Variants in GDA observed in about 807,000 individuals in gnomAD.
The protein encoded by GDA is guanine deaminase.
A neutral mutation model predicts 59.6 loss-of-function variants in GDA; 18 were observed. The ratio of observed to expected loss-of-function variants is 0.30; its 90% CI spans 0.21 to 0.45. GDA has a LOEUF of 0.45. GDA is among the 20% of genes least tolerant of loss of function. The pLI, the probability that GDA is intolerant of heterozygous loss-of-function variation, is 1.00. For missense variants in GDA, 427 were observed against 552.3 expected (o/e 0.77, Z 2.27); for synonymous variants, 201 against 201.1 (o/e 1.00, Z 0.00).
At chr9:72,233,425 A>G (rs1388068730) in intron 10 of GDA, among the ~76,000 whole-genome samples, 2 of 152,228 alleles carry the variant, frequency 1.3e-5, no homozygotes. Context: ...TTCTATGAAA[A>G]GATTGTGGTA....
downstream of GDA, among the ~76,000 whole-genome samples, chr9:72,258,243 G>C (rs1182440687): frequency 1.3e-5 from 2 of 151,746 alleles, no homozygotes; most frequent in African/African-American, 4.8e-5. Context: ...GGCCTGAGAG[G>C]TTGTGGCTGC....
rs781610986 is a variant in GDA at position 72,245,225 on chromosome 9, T to G, written c.1213T>G (p.Ser405Ala). The change falls in exon 12 of 14, where the codon TCC (serine) becomes GCC (alanine). Residue 405 changes from serine to alanine, a missense_variant. By Grantham distance (99) the Ser-to-Ala change is moderately conservative. Transcript: ENST00000358399. Reference sequence around the variant, plus strand: ...TGCCATCCTGATCAACCCCAAAGCATCCGACTCTCCCATTGACCTGTTTTA... The same window carrying G: ...TGCCATCCTGATCAACCCCAAAGCAGCCGACTCTCCCATTGACCTGTTTTA... ...FDAILINPKA[S>A]DSPIDLFYGD... 1 of 1,612,212 alleles carries G rather than the reference T, an allele frequency of 6.2e-7. No individual in the cohort carries two copies. The highest frequency in any genetic ancestry group is 8.5e-7 in the Non-Finnish European group (1 of 1,178,262).
rs533378242 is a variant in GDA, at chr9:72,245,554, T to G, written c.1266+276T>G. Among the ~76,000 whole-genome samples the G allele has an allele frequency of 7.2e-5, 11 of 152,336 alleles. No homozygotes were observed. In the South Asian group the frequency reaches 2.3e-3, roughly 32 times the overall value. ...TAACTAGCACTCATTGAACACTTGC[T>G]ATGTGCTGGGTAGGCATGGGATTAG... On this transcript the variant is annotated intron_variant, in intron 12 of 13. Coordinates refer to ENST00000358399, the MANE Select transcript of GDA (RefSeq NM_004293.5).
At chr9:72,259,128 G>A (rs1363936066), downstream of GDA, among the ~76,000 whole-genome samples, 7 of 151,310 alleles carry the variant, frequency 4.6e-5, no homozygotes, top group African/African-American at 1.2e-4. Flanking sequence ...AGGTTTAAGC[G>A]ATTCTTCTGC....
chr9:72,214,450 C>T (rs1835830323), intron 5 of GDA, among the ~76,000 whole-genome samples: 1 of 151,928 alleles, frequency 6.6e-6, no homozygotes, highest in African/African-American at 2.4e-5. Context: ...TGCATGCCAC[C>T]ACACTCAGCT....
intron 1 of GDA, among the ~76,000 whole-genome samples, chr9:72,173,819 AGT>A (rs142196983): frequency 1.3e-5 from 2 of 151,522 alleles, no homozygotes; most frequent in East Asian, 1.9e-4. Context: ...TCATTCTGTG[AGT>A]GTGTGTGTGT....
chr9:72,143,704 T>C (rs946374346), intron 1 of GDA, among the ~76,000 whole-genome samples: 2 of 152,210 alleles, frequency 1.3e-5, no homozygotes, highest in East Asian at 3.8e-4. Flanking sequence ...TAATTGCTAT[T>C]CTAAAAAGAA....
intron 11 of GDA, among the ~76,000 whole-genome samples, chr9:72,243,242 G>C (rs1839817527): frequency 6.6e-6 from 1 of 152,042 alleles, no homozygotes. Context: ...CAGCCCAGTG[G>C]GATCTCTGTG....
chr9:72,195,509 T>C lies in GDA; in HGVS notation c.133T>C (p.Leu45=). 6.7e-7 allele frequency: 1 copy of C among 1,488,066 alleles called. No homozygotes were observed. The highest frequency in any genetic ancestry group is 9.3e-7 in the Non-Finnish European group (1 of 1,074,884). The allele number at this position is 1,488,066 out of a possible 1,614,324, so 92.2% of individuals were successfully genotyped here. The change falls in exon 2 of 14, where the codon TTA becomes CTA. Residue 45 remains leucine (L), a synonymous_variant. Transcript: ENST00000358399. ...TTTCTTTCTTTTAAAGATAGTGTTT[T>C]TAGAAGAAGCATCTCAACAGGAAAA... The part of the protein sequence containing the change: ...GVSDSGKIVF[L]EEASQQEKLA...
At chr9:72,123,385 G>A (rs556005248) in intron 1 of GDA, among the ~76,000 whole-genome samples, 65 of 150,976 alleles carry the variant, frequency 4.3e-4, no homozygotes, top group Non-Finnish European at 7.2e-4. Context: ...TGGTTTCACC[G>A]TGTTAGCCAG....
chr9:72,160,771 C>G (rs777253814), intron 1 of GDA, among the ~76,000 whole-genome samples: 2 of 152,208 alleles, frequency 1.3e-5, no homozygotes, highest in Non-Finnish European at 2.9e-5. Flanking sequence ...GTGTGATAAA[C>G]CCAGGCCTGG....
At chr9:72,124,604 CAAACAGGCTGCCTTCCTAGTT>C (rs1825782199) in intron 1 of GDA, among the ~76,000 whole-genome samples, 1 of 152,144 alleles carries the variant, frequency 6.6e-6, no homozygotes, top group Admixed American at 6.6e-5. Flanking sequence ...TGGCACCTGT[CAAACAGGCTGCCTTCCTAGTT>C]ACATTAGTTA....
intron 1 of GDA, among the ~76,000 whole-genome samples, chr9:72,171,175 A>G (rs370972100): frequency 5.5e-4 from 84 of 152,228 alleles, no homozygotes; most frequent in African/African-American, 2.0e-3. Flanking sequence ...CGGCTATTGT[A>G]TATTCCATCT....
intron 11 of GDA, among the ~76,000 whole-genome samples, chr9:72,243,985 C>T (rs1353118653): frequency 1.3e-5 from 2 of 152,030 alleles, no homozygotes; most frequent in Non-Finnish European, 1.5e-5. Flanking sequence ...ACCATCCTGG[C>T]TAACACGGTG....
chr9:72,147,823 G>T (rs1044928499), upstream of GDA, among the ~76,000 whole-genome samples: 1 of 152,196 alleles, frequency 6.6e-6, no homozygotes, highest in African/African-American at 2.4e-5. Flanking sequence ...TGCCAGGAGG[G>T]AGTGCAGTTG....
chr9:72,161,063 A>ATTT (rs35376951), intron 1 of GDA, among the ~76,000 whole-genome samples: 2 of 141,592 alleles, frequency 1.4e-5, no homozygotes, highest in African/African-American at 5.2e-5. Flanking sequence ...TTTGCCACTA[A>ATTT]TTTTTTTTTT....
At chr9:72,171,467 T>C (rs566803361) in intron 1 of GDA, among the ~76,000 whole-genome samples, 1 of 152,294 alleles carries the variant, frequency 6.6e-6, no homozygotes, top group South Asian at 2.1e-4. Flanking sequence ...TTTGTTCCTT[T>C]TGATTTTGGT....
chr9:72,248,684 G>A lies in GDA; in HGVS notation c.*342G>A. On this transcript the variant is annotated 3_prime_UTR_variant, in exon 14 of 14. Transcript: ENST00000358399. ...ATTTGAAAATGTGGAAAGAAAAGAT[G>A]TTCCTAAAAGGTTAGATATTTTGAG... 9.7e-7 allele frequency: 1 copy of A among 1,028,448 alleles called. No homozygotes were observed. The highest frequency in any genetic ancestry group is 1.2e-6 in the Non-Finnish European group (1 of 856,458). 63.7% of individuals were successfully genotyped at this position (1,028,448 alleles called of 1,614,324 possible). A position where few individuals can be genotyped will look rare whatever the true frequency, so the allele number is the denominator to read the frequency against.
intron 1 of GDA, among the ~76,000 whole-genome samples, chr9:72,154,197 A>G (rs1286677954): frequency 6.6e-6 from 1 of 152,176 alleles, no homozygotes; most frequent in East Asian, 1.9e-4. Flanking sequence ...GAGCAAGTCC[A>G]ATGGAGGAAT....
Sources: gnomAD v4.1 joint callset for allele counts (sites outside exome capture counted in the v4.1 genomes callset) on GRCh38, gnomAD v4.1.1 for gene constraint, MANE v1.5 for transcripts, NCBI Gene and HGNC (gene_info 2026-07-23, HGNC 2026-07-21) for gene names.